Variants in DIP2C observed in about 807,000 individuals in gnomAD.
DIP2C encodes the protein DIP2 acetate--CoA ligase C (putative).
Under a neutral mutation model 192.4 loss-of-function variants are expected in DIP2C, and 33 were observed. That is an observed-to-expected ratio of 0.17 (90% CI 0.13 to 0.23). The LOEUF (loss-of-function observed/expected upper bound fraction) is 0.23. Ranked by LOEUF, DIP2C falls within the 10% of genes least tolerant of loss-of-function variation. The pLI, the probability that DIP2C is intolerant of heterozygous loss-of-function variation, is 1.00. For missense variants in DIP2C, 1,537 were observed against 2,110.1 expected, an observed-to-expected ratio of 0.73 and a Z score of 5.32; for synonymous variants, 979 against 864.1, an observed-to-expected ratio of 1.13 and a Z score of -2.33.
chr10:421,722 G>A (rs1966194513), intron 5 of DIP2C, among the ~76,000 whole-genome samples: 1 of 152,070 alleles, frequency 6.6e-6, no homozygotes, highest in Admixed American at 6.5e-5. Context: ...CAACAGTTCT[G>A]AGAGAGAAAA....
intron 17 of DIP2C, 55 bp downstream of exon 17, chr10:382,592 C>G: frequency 7.1e-7 from 1 of 1,405,540 alleles, no homozygotes; most frequent in Non-Finnish European, 1.0e-6. Flanking sequence ...TCTCCCTTCG[C>G]TGCTGAATTA....
chr10:392,515 T>G (rs913251498), intron 10 of DIP2C, among the ~76,000 whole-genome samples: 9 of 152,228 alleles, frequency 5.9e-5, no homozygotes, highest in Admixed American at 2.6e-4. Context: ...GCGGCTGCTA[T>G]TCAGCCAAGG....
chr10:628,564 T>C (rs566934932), intron 1 of DIP2C: 112 of 152,382 alleles, frequency 7.3e-4, no homozygotes, highest in Non-Finnish European at 1.1e-3. Flanking sequence ...TGCGGGGACA[T>C]GGCACAGACC....
rs200215210 is a variant in DIP2C, at chr10:294,611, AAG to A, written c.3987-6192_3987-6191del. Reference sequence around the variant, plus strand: ...CCCATCTAAAAAAAGAAAAAAAAAAAAGAGAAGAAAAAAATGCATTAACGTTT... The same window carrying A: ...CCCATCTAAAAAAAGAAAAAAAAAAAAGAAGAAAAAAATGCATTAACGTTT... On this transcript the variant is annotated intron_variant, in intron 32 of 36. Transcript: ENST00000280886. Among the ~76,000 whole-genome samples the A allele has an allele frequency of 8.4e-3, 1,282 of 152,136 alleles. 9 individuals are homozygous for A. Among genetic ancestry groups the A allele is most frequent in the Admixed American group, 0.014 (219 of 15,282 alleles).
At chr10:577,928 A>G (rs1850278676) in intron 1 of DIP2C, among the ~76,000 whole-genome samples, 1 of 152,024 alleles carries the variant, frequency 6.6e-6, no homozygotes, top group South Asian at 2.1e-4. Context: ...TACCTTTGAG[A>G]CAGACTGTCC....
intron 31 of DIP2C, chr10:325,070 G>C (rs12250433): frequency 0.023 from 10,210 of 441,936 alleles, 309 homozygotes; most frequent in African/African-American, 0.083. Context: ...TCAAAACCAT[G>C]CTGGCTAACA....
At chr10:616,850 G>C (rs1000976344) in intron 1 of DIP2C, among the ~76,000 whole-genome samples, 1 of 152,182 alleles carries the variant, frequency 6.6e-6, no homozygotes, top group African/African-American at 2.4e-5. Flanking sequence ...AGAGGCCGCC[G>C]TGGCCTCTAC....
intron 28 of DIP2C, among the ~76,000 whole-genome samples, 173 bp from the exon 29 acceptor site, chr10:341,502 G>C (rs941951474): frequency 8.7e-5 from 13 of 149,980 alleles, no homozygotes; most frequent in African/African-American, 3.2e-4. Context: ...GAACGCATCG[G>C]ACCTGACACC....
chr10:379,257 C>G (rs1416185566), intron 17 of DIP2C, among the ~76,000 whole-genome samples: 1 of 150,318 alleles, frequency 6.7e-6, no homozygotes, highest in East Asian at 2.0e-4. Context: ...CGCTACCCCA[C>G]CCCAACCCCT....
intron 22 of DIP2C, among the ~76,000 whole-genome samples, chr10:360,131 G>A (rs985110072): frequency 6.6e-6 from 1 of 152,196 alleles, no homozygotes; most frequent in East Asian, 1.9e-4. Context: ...ACATGAAGAC[G>A]TAGCACGTTC....
At chr10:553,035 A>C (rs935249486) in intron 1 of DIP2C, among the ~76,000 whole-genome samples, 2 of 152,172 alleles carry the variant, frequency 1.3e-5, no homozygotes, top group Admixed American at 6.5e-5. Flanking sequence ...ATCCACATAA[A>C]TTTCTATTTT....
Position 283,330 on chromosome 10 carries a change from C to A in DIP2C, c.4236G>T (p.Trp1412Cys). The change falls in exon 35 of 37, where the codon TGG (tryptophan) becomes TGT (cysteine). Residue 1412 changes from tryptophan (W) to cysteine (C), a missense_variant. Transcript: ENST00000280886. ...RLSFGDTQTI[W>C]ARTGYLGFLR... ...GGAACCCCAAGTAGCCTGTGCGTGC[C>A]CAGATGGTCTGGGTGTCTCCAAAAC... 1.9e-6 allele frequency: 3 copies of A among 1,614,074 alleles called. No homozygotes were observed. The highest frequency in any genetic ancestry group is 2.5e-6 in the Non-Finnish European group (3 of 1,179,986).
At position 636,499 on chromosome 10, in the gene DIP2C, C is replaced by T. The variant is rs952657646; in HGVS notation, c.85+52995G>A. Reference sequence around the variant, plus strand: ...AGGTGACAGGCTCCTGCCACCTCGCCGAGTCCTCACGCACGCGTTCCCTAA... The same window carrying T: ...AGGTGACAGGCTCCTGCCACCTCGCTGAGTCCTCACGCACGCGTTCCCTAA... On this transcript the variant is annotated intron_variant, in intron 1 of 36. Transcript: ENST00000280886. The surrounding 1 kb of genome is among the most constrained non-coding windows in gnomAD (Gnocchi z 4.6). 6.6e-6 allele frequency among the ~76,000 whole-genome samples: 1 copy of T among 152,148 alleles called. No homozygotes were observed. Among genetic ancestry groups the T allele is most frequent in the Admixed American group, 6.5e-5 (1 of 15,278 alleles).
chr10:348,176 A>T (rs1272587649), intron 26 of DIP2C, among the ~76,000 whole-genome samples: 1 of 152,208 alleles, frequency 6.6e-6, no homozygotes, highest in Non-Finnish European at 1.5e-5. Context: ...TCTCCCCTGT[A>T]CTTCCTCCTT....
chr10:534,936 A>G (rs1052349122), intron 1 of DIP2C, among the ~76,000 whole-genome samples: 3 of 151,072 alleles, frequency 2.0e-5, no homozygotes, highest in African/African-American at 7.3e-5. Context: ...TCGGCCTCCC[A>G]AAGTGCTGGG....
chr10:606,171 G>A (rs188330942), intron 1 of DIP2C, among the ~76,000 whole-genome samples: 6 of 152,356 alleles, frequency 3.9e-5, no homozygotes, highest in East Asian at 1.9e-4. Context: ...CTCAGAACGA[G>A]TCCTGCATAA....
At chr10:602,215 A>C (rs1037930969) in intron 1 of DIP2C, among the ~76,000 whole-genome samples, 5 of 152,204 alleles carry the variant, frequency 3.3e-5, no homozygotes, top group African/African-American at 9.7e-5. Flanking sequence ...CAGTTCTCAA[A>C]GCCCTTAAGT....
chr10:413,945 G>A lies in DIP2C; in HGVS notation c.1025C>T (p.Thr342Ile). 1 of 1,614,194 alleles carries A rather than the reference G, an allele frequency of 6.2e-7. No homozygotes were observed. Among genetic ancestry groups the A allele is most frequent in the Non-Finnish European group, 8.5e-7 (1 of 1,180,024 alleles). Residue 342 changes from threonine to isoleucine, a missense_variant, in exon 8 of 37, where the codon ACC becomes ATC. This residue lies in a region of DIP2C where 473 missense variants were observed against 539.6 expected (regional missense o/e 0.88). Coordinates refer to ENST00000280886, the MANE Select transcript of DIP2C (RefSeq NM_014974.3). The stretch of plus-strand genomic sequence containing the variant: ...GAGGATGTAGAGGGGCTTCCCGTTG[G>A]TGTCCATGGTGGTCAGGCAGGGCGC... ...PKAPCLTTMD[T>I]NGKPLYILTY...
At chr10:408,850 TA>T in intron 9 of DIP2C, 75 bp downstream of exon 9, 1 of 1,447,064 alleles carries the variant, frequency 6.9e-7, no homozygotes, top group Non-Finnish European at 9.6e-7. Context: ...CTGAACTCTG[TA>T]ATGTTTAAAC....
Sources: allele counts gnomAD v4.1 joint callset (sites outside exome capture counted in the v4.1 genomes callset), GRCh38; gene constraint gnomAD v4.1.1; regional missense constraint gnomAD v4.1.1; non-coding constraint Gnocchi (gnomAD v3.1); transcripts MANE v1.5; gene names NCBI Gene and HGNC (gene_info 2026-07-23, HGNC 2026-07-21).